The following MCTP1 variants were observed in gnomAD, a reference collection of about 807,000 sequenced individuals.
MCTP1 encodes the protein multiple C2 and transmembrane domain containing 1.
Under a neutral mutation model 120.6 loss-of-function variants are expected in MCTP1, and 69 were observed. The ratio of observed to expected loss-of-function variants is 0.57; its 90% CI spans 0.47 to 0.70. MCTP1 has a LOEUF of 0.70. MCTP1 is among the 30% of genes least tolerant of loss of function. MCTP1 has a pLI of 0.00. For synonymous variants in MCTP1, 529 were observed against 493.1 expected (o/e 1.07, Z -0.96); for missense variants, 1,203 against 1,248.8 (o/e 0.96, Z 0.55).
chr5:95,152,656 A>T (rs1199392489), intron 1 of MCTP1, among the ~76,000 whole-genome samples: 1 of 152,230 alleles, frequency 6.6e-6, no homozygotes, highest in African/African-American at 2.4e-5. Flanking sequence ...CCTTCAGGGC[A>T]GGGAGGTGAA....
intron 1 of MCTP1, among the ~76,000 whole-genome samples, chr5:95,235,176 A>C (rs979357645): frequency 6.6e-6 from 1 of 151,950 alleles, no homozygotes; most frequent in Non-Finnish European, 1.5e-5. Flanking sequence ...TCAAAAATCA[A>C]TGTAATTCAC....
chr5:95,187,146 C>T (rs1749293867), intron 1 of MCTP1, among the ~76,000 whole-genome samples: 1 of 152,206 alleles, frequency 6.6e-6, no homozygotes, highest in African/African-American at 2.4e-5. Context: ...GAGATATTTG[C>T]ACTCCCATGT....
intron 1 of MCTP1, among the ~76,000 whole-genome samples, chr5:95,241,860 C>T (rs905301362): frequency 5.3e-5 from 8 of 152,070 alleles, no homozygotes; most frequent in Non-Finnish European, 5.9e-5. Context: ...AGCACAATTC[C>T]GCAAAGCAAA....
intron 1 of MCTP1, among the ~76,000 whole-genome samples, chr5:95,150,771 ACAGTTGAC>A: frequency 6.6e-6 from 1 of 152,264 alleles, no homozygotes; most frequent in East Asian, 1.9e-4. Flanking sequence ...GAAAGAATAT[ACAGTTGAC>A]CCCTGAACAA....
chr5:94,876,999 G>A (rs1244017255), intron 12 of MCTP1, among the ~76,000 whole-genome samples: 4 of 151,974 alleles, frequency 2.6e-5, no homozygotes, highest in Non-Finnish European at 1.5e-5. Context: ...ACACAATTAT[G>A]AGGCAGAGTT....
chr5:94,751,818 A>T (rs115853317), intron 19 of MCTP1, among the ~76,000 whole-genome samples: 196 of 152,088 alleles, frequency 1.3e-3, no homozygotes, highest in African/African-American at 4.7e-3. Flanking sequence ...TTCCAGATGA[A>T]ATAAGCCACG....
chr5:95,125,556 T>A (rs1004127368), intron 1 of MCTP1, among the ~76,000 whole-genome samples: 1 of 152,182 alleles, frequency 6.6e-6, no homozygotes, highest in Non-Finnish European at 1.5e-5. Flanking sequence ...GTATTCTCCA[T>A]CCCCACACAA....
intron 17 of MCTP1, among the ~76,000 whole-genome samples, chr5:94,843,044 T>C (rs1441353279): frequency 1.3e-5 from 2 of 151,914 alleles, no homozygotes; most frequent in African/African-American, 4.8e-5. Flanking sequence ...ATGCTTTCCA[T>C]TGGATGAAAG....
At position 95,048,041 on chromosome 5, in the gene MCTP1, G is replaced by A. The variant is rs115739494; in HGVS notation, c.721-30557C>T. 2.4e-3 allele frequency among the ~76,000 whole-genome samples: 365 copies of A among 152,278 alleles called. 1 individual carries two copies. Among genetic ancestry groups the A allele is most frequent in the African/African-American group, 8.5e-3 (352 of 41,558 alleles). ...TGCATTTAAGATATGTTAAGTACAA[G>A]GAGCTAGATATACTTGTGTTTGAAT... On this transcript the variant is annotated intron_variant, in intron 1 of 22. Transcript: ENST00000515393.
At chr5:94,966,712 G>A (rs1318945580) in intron 2 of MCTP1, among the ~76,000 whole-genome samples, 1 of 151,796 alleles carries the variant, frequency 6.6e-6, no homozygotes, top group Non-Finnish European at 1.5e-5. Context: ...GGAGAATGGC[G>A]TGAACCTGGG....
At chr5:94,975,216 A>G (rs1168643654) in intron 2 of MCTP1, among the ~76,000 whole-genome samples, 1 of 152,000 alleles carries the variant, frequency 6.6e-6, no homozygotes, top group Non-Finnish European at 1.5e-5. Flanking sequence ...TGTGTTATGG[A>G]CTGAATGTTT....
At chr5:94,733,343 T>C (rs1763493561) in intron 19 of MCTP1, among the ~76,000 whole-genome samples, 1 of 152,188 alleles carries the variant, frequency 6.6e-6, no homozygotes, top group Admixed American at 6.5e-5. Context: ...ACTAATGTAA[T>C]AAGTTATCCA....
chr5:94,886,470 A>T (rs935698736), intron 12 of MCTP1, among the ~76,000 whole-genome samples: 1 of 152,178 alleles, frequency 6.6e-6, no homozygotes, highest in Non-Finnish European at 1.5e-5. Context: ...AAAATATCAA[A>T]AAAACAGAGC....
chr5:94,966,501 T>C (rs75298869), intron 2 of MCTP1, among the ~76,000 whole-genome samples: 20,841 of 152,084 alleles, frequency 0.14, 1,499 homozygotes, highest in East Asian at 0.25. Flanking sequence ...ATACAGTTAA[T>C]AAGGATGTGG....
At chr5:94,944,497 T>C (rs1311910864) in intron 3 of MCTP1, among the ~76,000 whole-genome samples, 1 of 152,140 alleles carries the variant, frequency 6.6e-6, no homozygotes, top group African/African-American at 2.4e-5. Flanking sequence ...ATATCATCCT[T>C]AGGCTTAAAA....
intron 19 of MCTP1, among the ~76,000 whole-genome samples, chr5:94,733,744 T>C (rs1367164799): frequency 6.6e-6 from 1 of 152,050 alleles, no homozygotes; most frequent in Admixed American, 6.5e-5. Flanking sequence ...GGCAGGCAGA[T>C]CACAAGGTCA....
At chr5:94,997,182 G>A (rs1016787425) in intron 2 of MCTP1, among the ~76,000 whole-genome samples, 3 of 152,056 alleles carry the variant, frequency 2.0e-5, no homozygotes, top group South Asian at 2.1e-4. Context: ...CCAAAAACTC[G>A]TGCTTCAACA....
chr5:94,791,112 CAAAAAAAAAAAAA>C (rs60394333), intron 18 of MCTP1, among the ~76,000 whole-genome samples: 1 of 99,662 alleles, frequency 1.0e-5, no homozygotes, highest in Admixed American at 1.3e-4. Context: ...GTCTCTACTA[CAAAAAAAAAAAAA>C]AAAAAAAAGA....
At chr5:94,988,601 T>G (rs904592215) in intron 2 of MCTP1, among the ~76,000 whole-genome samples, 36 of 143,886 alleles carry the variant, frequency 2.5e-4, no homozygotes, top group East Asian at 8.7e-4. Flanking sequence ...GTGTGTGTTT[T>G]TTTTTTTTTT....
Sources: allele counts gnomAD v4.1 joint callset (sites outside exome capture counted in the v4.1 genomes callset), GRCh38; gene constraint gnomAD v4.1.1; transcripts MANE v1.5; gene names NCBI Gene and HGNC (gene_info 2026-07-23, HGNC 2026-07-21).